Variants in NELL2 observed in about 807,000 individuals in gnomAD.
NELL2 encodes protein kinase C-binding protein NELL2.
Under a neutral mutation model 109.6 loss-of-function variants are expected in NELL2, and 41 were observed. That is an observed-to-expected ratio of 0.37 (90% confidence interval 0.29 to 0.49). NELL2 has a LOEUF of 0.49. Among genes scored for constraint, NELL2 ranks in the 20% least tolerant of loss-of-function variants. NELL2 has a pLI of 0.98. For missense variants in NELL2, 900 were observed against 1,008.3 expected, an observed-to-expected ratio of 0.89 and a Z score of 1.45; for synonymous variants, 355 against 344.7, an observed-to-expected ratio of 1.03 and a Z score of -0.33.
At chr12:44,839,299 A>AT (rs1374559456) in intron 2 of NELL2, among the ~76,000 whole-genome samples, 1 of 152,214 alleles carries the variant, frequency 6.6e-6, no homozygotes, top group African/African-American at 2.4e-5. Context: ...AAATCAGTCT[A>AT]TATTTATATC....
chr12:44,543,829 T>A (rs189373443), intron 15 of NELL2, among the ~76,000 whole-genome samples: 1 of 152,174 alleles, frequency 6.6e-6, no homozygotes, highest in Non-Finnish European at 1.5e-5. Flanking sequence ...ACCTCGAGGA[T>A]CTTCACTTTC....
chr12:44,703,356 G>A (rs1024627768), intron 12 of NELL2, among the ~76,000 whole-genome samples: 14 of 152,136 alleles, frequency 9.2e-5, no homozygotes, highest in Admixed American at 9.2e-4. Context: ...TTCCTGTTAA[G>A]TGATTGCCTT....
chr12:44,846,748 T>G (rs2136765048), intron 2 of NELL2, among the ~76,000 whole-genome samples: 1 of 136,028 alleles, frequency 7.4e-6, no homozygotes, highest in South Asian at 2.1e-4. Flanking sequence ...TGTGGTTTGT[T>G]ATGCAAGTGT....
At chr12:44,872,060 C>T (rs1945178142) in intron 2 of NELL2, among the ~76,000 whole-genome samples, 1 of 152,116 alleles carries the variant, frequency 6.6e-6, no homozygotes, top group Non-Finnish European at 1.5e-5. Flanking sequence ...TACTCTCATT[C>T]CTGATCCCTC....
At chr12:44,640,563 T>C (rs1467809148) in intron 13 of NELL2, among the ~76,000 whole-genome samples, 1 of 152,216 alleles carries the variant, frequency 6.6e-6, no homozygotes, top group Non-Finnish European at 1.5e-5. Context: ...CATTCTACAT[T>C]GTGTAGATAT....
intron 9 of NELL2, among the ~76,000 whole-genome samples, chr12:44,762,167 C>A (rs1450863428): frequency 6.6e-6 from 1 of 152,144 alleles, no homozygotes; most frequent in Non-Finnish European, 1.5e-5. Context: ...GCTCAAATAT[C>A]CAACTAGTTG....
intron 12 of NELL2, among the ~76,000 whole-genome samples, chr12:44,673,279 G>C (rs1948205242): frequency 6.6e-6 from 1 of 152,134 alleles, no homozygotes; most frequent in Non-Finnish European, 1.5e-5. Context: ...AAAGTAATCT[G>C]GTGGAAAATC....
At chr12:44,639,361 T>G in intron 13 of NELL2, among the ~76,000 whole-genome samples, 1 of 152,124 alleles carries the variant, frequency 6.6e-6, no homozygotes, top group East Asian at 1.9e-4. Context: ...TAAACTAACC[T>G]CTTTCCAGCG....
intron 13 of NELL2, among the ~76,000 whole-genome samples, chr12:44,646,973 A>G (rs1305899754): frequency 6.6e-6 from 1 of 152,214 alleles, no homozygotes; most frequent in Non-Finnish European, 1.5e-5. Flanking sequence ...GGTTAATAAG[A>G]TTAAATAAAA....
intron 2 of NELL2, among the ~76,000 whole-genome samples, chr12:44,854,099 G>T (rs1487536438): frequency 6.6e-6 from 1 of 152,110 alleles, no homozygotes; most frequent in Non-Finnish European, 1.5e-5. Context: ...TATAGGTTAC[G>T]TTCTGCTCTG....
At position 44,777,068 on chromosome 12, in the gene NELL2, C is replaced by A. The variant is rs1941783966; in HGVS notation, c.736G>T (p.Asp246Tyr). The A allele has an allele frequency of 6.2e-7, 1 of 1,613,870 alleles. No individual in the cohort carries two copies. Among genetic ancestry groups the A allele is most frequent in the African/African-American group, 1.3e-5 (1 of 74,890 alleles). The part of the protein sequence containing the change: ...GLVQKIMELQ[D>Y]ILAKTSAKLS... ...TTGGCTGATGTTTTGGCTAAAATAT[C>A]CTGTAGCTCCATGATTTTCTGCACA... The change falls in exon 7 of 20, where the codon GAT becomes TAT. Residue 246 changes from aspartate (D) to tyrosine (Y), a missense_variant. Coordinates refer to ENST00000429094, the MANE Select transcript of NELL2 (RefSeq NM_001145108.2).
chr12:44,726,456 T>C (rs539491911), intron 9 of NELL2, among the ~76,000 whole-genome samples: 1 of 152,298 alleles, frequency 6.6e-6, no homozygotes, highest in South Asian at 2.1e-4. Context: ...CTTCGCTTTC[T>C]AGTCCAGTCA....
intron 2 of NELL2, among the ~76,000 whole-genome samples, chr12:44,840,881 A>C (rs1341387859): frequency 6.6e-6 from 1 of 152,186 alleles, no homozygotes; most frequent in Admixed American, 6.5e-5. Flanking sequence ...ATGTCTTTTA[A>C]AATGCTGAAA....
intron 15 of NELL2, among the ~76,000 whole-genome samples, chr12:44,586,245 T>C (rs867617207): frequency 1.0e-4 from 15 of 148,738 alleles, no homozygotes; most frequent in Non-Finnish European, 1.8e-4. Flanking sequence ...ACCACTATTG[T>C]AGTGAGTGGG....
intron 12 of NELL2, among the ~76,000 whole-genome samples, chr12:44,690,720 G>C (rs1279141432): frequency 1.3e-5 from 2 of 152,166 alleles, no homozygotes; most frequent in Non-Finnish European, 2.9e-5. Context: ...GGAGGGTTTT[G>C]CTCATGACTA....
In NELL2 at chr12:44,873,132, G is replaced by C. The variant is rs192030913; in HGVS notation, c.184+2093C>G. Reference sequence around the variant, plus strand: ...TGCCTACTGAGAACATGGCATGCAGGAAATACTTGCTGATTGATTGGTTAT... The same window carrying C: ...TGCCTACTGAGAACATGGCATGCAGCAAATACTTGCTGATTGATTGGTTAT... On this transcript the variant is annotated intron_variant, in intron 2 of 19. Transcript: ENST00000429094. Among the ~76,000 whole-genome samples the C allele has an allele frequency of 1.5e-4, 23 of 152,234 alleles. No homozygotes were observed. The East Asian group carries it at 4.4e-3, about 29-fold the overall frequency.
chr12:44,628,362 T>A (rs981282108), intron 13 of NELL2, among the ~76,000 whole-genome samples: 1 of 152,158 alleles, frequency 6.6e-6, no homozygotes, highest in Admixed American at 6.6e-5. Context: ...ACCCACATGG[T>A]CGAGGGTGGT....
chr12:44,767,940 T>C (rs1941400298), intron 9 of NELL2, among the ~76,000 whole-genome samples: 1 of 152,182 alleles, frequency 6.6e-6, no homozygotes. Flanking sequence ...GCATTATTTT[T>C]AATTAAAGCA....
At chr12:44,834,204 T>A (rs1330919791) in intron 2 of NELL2, among the ~76,000 whole-genome samples, 3 of 152,150 alleles carry the variant, frequency 2.0e-5, no homozygotes, top group African/African-American at 7.2e-5. Flanking sequence ...AATGACTCAT[T>A]CACATACTCC....
Sources: gnomAD v4.1 joint callset for allele counts (sites outside exome capture counted in the v4.1 genomes callset) on GRCh38, gnomAD v4.1.1 for gene constraint, MANE v1.5 for transcripts, NCBI Gene and HGNC (gene_info 2026-07-23, HGNC 2026-07-21) for gene names.